The following ALLC variants were observed in gnomAD, a reference collection of about 807,000 sequenced individuals.
ALLC encodes the protein allantoicase.
A neutral mutation model predicts 45.0 loss-of-function variants in ALLC; 40 were observed. The ratio of observed to expected loss-of-function variants is 0.89; its 90% confidence interval spans 0.69 to 1.16. ALLC has a LOEUF of 1.16. Among genes scored for constraint, ALLC ranks in the 50% most tolerant of loss-of-function variants. The pLI is 0.00. For missense variants in ALLC, 488 were observed against 493.1 expected (o/e 0.99, Z 0.10); for synonymous variants, 176 against 178.1 (o/e 0.99, Z 0.09).
At chr2:3,663,270 A>AG (rs1232583750) in intron 1 of ALLC, among the ~76,000 whole-genome samples, 1 of 152,226 alleles carries the variant, frequency 6.6e-6, no homozygotes, top group Non-Finnish European at 1.5e-5. Flanking sequence ...TGTCCTTTGT[A>AG]GGAACATGAA....
chr2:3,651,155 C>G, the ALLC span, among the ~76,000 whole-genome samples: 1 of 151,978 alleles, frequency 6.6e-6, no homozygotes, highest in Non-Finnish European at 1.5e-5. Flanking sequence ...CTGGGGCTGC[C>G]CGGCGGTGGC....
chr2:3,686,219 C>G (rs1192541255), intron 7 of ALLC, among the ~76,000 whole-genome samples: 1 of 150,974 alleles, frequency 6.6e-6, no homozygotes, highest in Non-Finnish European at 1.5e-5. Flanking sequence ...TCCCCAGCAC[C>G]ATTTACTGAA....
intron 2 of ALLC, among the ~76,000 whole-genome samples, chr2:3,673,745 G>T (rs1315137647): frequency 6.6e-6 from 1 of 152,198 alleles, no homozygotes; most frequent in East Asian, 1.9e-4. Flanking sequence ...TTTGGTCATT[G>T]CTCGGTTTGT....
intron 1 of ALLC, among the ~76,000 whole-genome samples, chr2:3,666,006 A>G (rs990563773): frequency 6.6e-6 from 1 of 152,162 alleles, no homozygotes; most frequent in Non-Finnish European, 1.5e-5. Flanking sequence ...TGGTATATGC[A>G]TGTAAGATGG....
At position 3,702,609 on chromosome 2, in the gene ALLC, T is replaced by A; in HGVS notation, c.*46T>A. 4 of 1,485,570 alleles carry A rather than the reference T, an allele frequency of 2.7e-6. No individual in the cohort carries two copies. The highest frequency in any genetic ancestry group is 3.6e-6 in the Non-Finnish European group (4 of 1,115,930). 92.0% of individuals were successfully genotyped at this position (1,485,570 alleles called of 1,614,324 possible). A position where few individuals can be genotyped will look rare whatever the true frequency, so the allele number is the denominator to read the frequency against. On this transcript the variant is annotated 3_prime_UTR_variant, in exon 12 of 12. Coordinates refer to ENST00000252505, the MANE Select transcript of ALLC (RefSeq NM_018436.4). Reference sequence around the variant, plus strand: ...CGGACACACAGCAGTAATTTCCCAGTCATAGTCTTCTTTTCAAATGTTTTG... The same window carrying A: ...CGGACACACAGCAGTAATTTCCCAGACATAGTCTTCTTTTCAAATGTTTTG...
At chr2:3,653,165 C>T in the ALLC span, among the ~76,000 whole-genome samples, 15 of 152,336 alleles carry the variant, frequency 9.8e-5, no homozygotes, top group African/African-American at 3.1e-4. The surrounding 1 kb of genome is among the most constrained non-coding windows in gnomAD (Gnocchi z 4.1). Flanking sequence ...CGGGGCCCCC[C>T]GAAGCCTCCA....
At chr2:3,661,976 C>T (rs1326692416) in intron 1 of ALLC, among the ~76,000 whole-genome samples, 1 of 152,174 alleles carries the variant, frequency 6.6e-6, no homozygotes, top group Non-Finnish European at 1.5e-5. Context: ...GAATCCAGCT[C>T]CTTCAGCTGG....
intron 1 of ALLC, among the ~76,000 whole-genome samples, chr2:3,661,304 A>T (rs113023702): frequency 0.016 from 2,490 of 152,142 alleles, 74 homozygotes; most frequent in African/African-American, 0.058. Flanking sequence ...TGTTTTGAAA[A>T]CCATGCCAGG....
intron 1 of ALLC, among the ~76,000 whole-genome samples, chr2:3,664,825 A>G (rs1325882324): frequency 1.3e-5 from 2 of 151,206 alleles, no homozygotes; most frequent in Non-Finnish European, 2.9e-5. Flanking sequence ...TTGAGGCTGC[A>G]GTGAGCTATG....
rs1240189060 is a variant in ALLC, at chr2:3,680,311, T to C, written c.298+317T>C. Reference sequence around the variant, plus strand: ...TTGCTGGTGGGCGGGAGGGAGTGGTTTGTGCCTCAGATGACCCGGGTGATG... The same window carrying C: ...TTGCTGGTGGGCGGGAGGGAGTGGTCTGTGCCTCAGATGACCCGGGTGATG... On this transcript the variant is annotated intron_variant, in intron 5 of 11. Coordinates refer to ENST00000252505, the MANE Select transcript of ALLC (RefSeq NM_018436.4). This position sits in a 1 kb window ranked among gnomAD's most constrained non-coding sequence, Gnocchi z 4.0. Among the ~76,000 whole-genome samples the C allele has an allele frequency of 6.6e-6, 1 of 152,032 alleles. No individual in the cohort carries two copies. Among genetic ancestry groups the C allele is most frequent in the Admixed American group, 6.5e-5 (1 of 15,276 alleles).
upstream of ALLC, among the ~76,000 whole-genome samples, chr2:3,653,846 C>G (rs554000672): frequency 1.3e-5 from 2 of 152,320 alleles, no homozygotes; most frequent in East Asian, 3.9e-4. The surrounding 1 kb of genome is among the most constrained non-coding windows in gnomAD (Gnocchi z 4.1). Flanking sequence ...AGCCCTCAGT[C>G]TTATTCTAAG....
At chr2:3,661,270 T>C (rs563744626) in intron 1 of ALLC, among the ~76,000 whole-genome samples, 103 of 150,240 alleles carry the variant, frequency 6.9e-4, no homozygotes, top group African/African-American at 2.5e-3. Flanking sequence ...CCCTTCCTTC[T>C]GCTCCTGGCT....
chr2:3,654,222 G>A (rs1666393441), upstream of ALLC, among the ~76,000 whole-genome samples: 1 of 150,906 alleles, frequency 6.6e-6, no homozygotes, highest in Non-Finnish European at 1.5e-5. Flanking sequence ...TTCCCTCCAT[G>A]TGAGTGATCC....
intron 3 of ALLC, among the ~76,000 whole-genome samples, chr2:3,677,715 C>T (rs1363635694): frequency 1.3e-5 from 2 of 152,136 alleles, no homozygotes; most frequent in Admixed American, 6.5e-5. Flanking sequence ...GCATCCCTGC[C>T]GCCCTGGGTC....
At chr2:3,656,087 C>T (rs965246481), upstream of ALLC, among the ~76,000 whole-genome samples, 3 of 152,242 alleles carry the variant, frequency 2.0e-5, no homozygotes, top group Non-Finnish European at 4.4e-5. Context: ...ACCTAGTGAG[C>T]GGGACACCCA....
intron 7 of ALLC, chr2:3,688,752 TC>T (rs1667398421): frequency 6.6e-6 from 1 of 152,218 alleles, no homozygotes; most frequent in Admixed American, 6.6e-5. Context: ...GGGATCTTGC[TC>T]CTGGAAGATA....
At position 3,685,238 on chromosome 2, in the gene ALLC, T is replaced by A. The variant is rs1333457086; in HGVS notation, c.511+2164T>A. 4.3e-5 allele frequency among the ~76,000 whole-genome samples: 6 copies of A among 138,224 alleles called. 1 individual carries two copies. Among genetic ancestry groups the A allele is most frequent in the Non-Finnish European group, 8.3e-5 (5 of 60,456 alleles). 90.7% of individuals were successfully genotyped at this position (138,224 alleles called of 152,430 possible). Reference sequence around the variant, plus strand: ...CTCGCTAGCATCCACTATTCCCCCGTCTTTTTAAATAAAAGCGGTATTACT... The same window carrying A: ...CTCGCTAGCATCCACTATTCCCCCGACTTTTTAAATAAAAGCGGTATTACT... On this transcript the variant is annotated intron_variant, in intron 7 of 11. Transcript: ENST00000252505.
intron 1 of ALLC, among the ~76,000 whole-genome samples, chr2:3,659,707 A>G (rs529982901): frequency 2.6e-5 from 4 of 152,316 alleles, no homozygotes; most frequent in African/African-American, 9.6e-5. Flanking sequence ...TCATGGCGCA[A>G]GAGTCGTGGA....
chr2:3,671,811 GGGAGGTCCTCTGGCTCTGGTTAGATT>G (rs1666881883), intron 2 of ALLC, among the ~76,000 whole-genome samples: 17 of 92,216 alleles, frequency 1.8e-4, no homozygotes, highest in African/African-American at 5.7e-4. Context: ...CTGGTTAGAT[GGGAGGTCCTCTGGCTCTGGTTAGATT>G]GGAGGTCCTC....
Sources: gnomAD v4.1 joint callset for allele counts (sites outside exome capture counted in the v4.1 genomes callset) on GRCh38, gnomAD v4.1.1 for gene constraint, Gnocchi (gnomAD v3.1) non-coding constraint, MANE v1.5 for transcripts, NCBI Gene and HGNC (gene_info 2026-07-23, HGNC 2026-07-21) for gene names.